Variants in DLC1 observed in about 807,000 individuals in gnomAD.
DLC1 encodes the protein rho GTPase-activating protein 7.
DLC1 carries 54 observed loss-of-function variants against 140.3 expected under a neutral mutation model. That is an observed-to-expected ratio of 0.38 (90% CI 0.31 to 0.48). The LOEUF (loss-of-function observed/expected upper bound fraction) is 0.48, where lower values mean the gene tolerates loss of function less well. Among genes scored for constraint, DLC1 ranks in the 20% least tolerant of loss-of-function variants. The pLI is 0.96. For synonymous variants in DLC1, 986 were observed against 728.1 expected (o/e 1.35, Z -5.70); for missense variants, 2,536 against 1,907.0 (o/e 1.33, Z -6.14).
intron 2 of DLC1, among the ~76,000 whole-genome samples, chr8:13,473,779 A>G (rs1800316449): frequency 6.6e-6 from 1 of 152,154 alleles, no homozygotes; most frequent in African/African-American, 2.4e-5. Flanking sequence ...CCCCTTCGCT[A>G]GAGATTTTTG....
intron 1 of DLC1, among the ~76,000 whole-genome samples, chr8:13,555,328 GT>G (rs542298860): frequency 5.8e-4 from 86 of 148,242 alleles, no homozygotes; most frequent in African/African-American, 1.3e-3. Context: ...TTTCTTGTAT[GT>G]TTTTTTTTTA....
intron 2 of DLC1, among the ~76,000 whole-genome samples, chr8:13,478,414 C>T (rs1253187406): frequency 1.3e-5 from 2 of 152,192 alleles, no homozygotes; most frequent in Non-Finnish European, 2.9e-5. Context: ...GATTACAATT[C>T]GACATGAGAT....
At chr8:13,141,884 C>G (rs1823020863) in intron 5 of DLC1, among the ~76,000 whole-genome samples, 1 of 152,176 alleles carries the variant, frequency 6.6e-6, no homozygotes, top group Non-Finnish European at 1.5e-5. Context: ...AAAAAATAGA[C>G]CTAGCAACAA....
intron 1 of DLC1, among the ~76,000 whole-genome samples, chr8:13,590,940 A>G (rs1436412465): frequency 1.3e-5 from 2 of 152,078 alleles, no homozygotes; most frequent in Non-Finnish European, 2.9e-5. Flanking sequence ...AATATTTTAT[A>G]TTTTTGCTTT....
rs192791626 is a variant in DLC1 at position 13,349,627 on chromosome 8, A to G, written c.1314+43926T>C. ...TCAATTTTCAGTGACTTATCTTTAC[A>G]TAGAAACATATAGCCAGAGCTCACC... On this transcript the variant is annotated intron_variant, in intron 4 of 17. Coordinates refer to ENST00000276297, the MANE Select transcript of DLC1 (RefSeq NM_182643.3). Among the ~76,000 whole-genome samples the G allele has an allele frequency of 3.3e-5, 5 of 152,316 alleles. No individual in the cohort carries two copies. The East Asian group carries it at 7.7e-4, about 23-fold the overall frequency.
rs975315350 is a variant in DLC1 at position 13,114,138 on chromosome 8, G to T, written c.1420+1448C>A. ...GCACTTTGGGAGGCCAAGGTGGGTG[G>T]ATCACCTGAGGTCGGGAGTTCACGA... On this transcript the variant is annotated intron_variant, in intron 6 of 17. Coordinates refer to ENST00000276297, the MANE Select transcript of DLC1 (RefSeq NM_182643.3). Among the ~76,000 whole-genome samples the T allele has an allele frequency of 3.9e-5, 6 of 152,220 alleles. No individual in the cohort carries two copies. In the East Asian group the frequency reaches 1.2e-3, roughly 29 times the overall value.
At chr8:13,437,845 C>G (rs1360879723) in intron 2 of DLC1, among the ~76,000 whole-genome samples, 4 of 152,068 alleles carry the variant, frequency 2.6e-5, no homozygotes, top group African/African-American at 7.3e-5. Context: ...CTTGAGATCT[C>G]TAAAGGCCAT....
At position 13,147,938 on chromosome 8, in the gene DLC1, G is replaced by GATCGC. The variant is rs377502242; in HGVS notation, c.1349-32286_1349-32282dup. On this transcript the variant is annotated intron_variant, in intron 5 of 17. Transcript: ENST00000276297. ...GGGAGGCGGAGGTTGCAGTGGCAGA[G>GATCGC]ATCGCACTACTGCACTCCAGCCTGG... Among the ~76,000 whole-genome samples, 628 of 152,198 alleles carry GATCGC rather than the reference G, an allele frequency of 4.1e-3. 5 individuals are homozygous for GATCGC. The highest frequency in any genetic ancestry group is 0.014 in the African/African-American group (597 of 41,518).
intron 5 of DLC1, among the ~76,000 whole-genome samples, chr8:13,120,356 A>AAAATATAC: frequency 6.5e-5 from 4 of 61,124 alleles, no homozygotes; most frequent in Non-Finnish European, 1.5e-4. Flanking sequence ...AAAAAAAAAA[A>AAAATATAC]ATATATATAT....
At chr8:13,383,654 G>C (rs551751365) in intron 4 of DLC1, among the ~76,000 whole-genome samples, 1 of 152,128 alleles carries the variant, frequency 6.6e-6, no homozygotes, top group Non-Finnish European at 1.5e-5. Context: ...GCTAGTCTGC[G>C]TGATCAGTAC....
At chr8:13,271,242 A>G (rs1455956001) in intron 5 of DLC1, among the ~76,000 whole-genome samples, 1 of 152,214 alleles carries the variant, frequency 6.6e-6, no homozygotes, top group Admixed American at 6.5e-5. Context: ...TTTGTTTACT[A>G]GAGGAGGCTG....
chr8:13,237,183 G>GTA lies in DLC1; in HGVS notation c.1348+68084_1348+68085dup, dbSNP rs775302583. Among the ~76,000 whole-genome samples the GTA allele has an allele frequency of 2.7e-3, 370 of 135,642 alleles. 4 individuals are homozygous for GTA. The highest frequency in any genetic ancestry group is 7.9e-3 in the African/African-American group (288 of 36,476). 89.0% of individuals were successfully genotyped at this position (135,642 alleles called of 152,430 possible). A position where few individuals can be genotyped will look rare whatever the true frequency, so the allele number is the denominator to read the frequency against. The stretch of plus-strand genomic sequence containing the variant: ...CACAATGATCCTGGGGAGGATGTGT[G>GTA]TATATATATATATATGTGTGTGTGT... On this transcript the variant is annotated intron_variant, in intron 5 of 17. Coordinates refer to ENST00000276297, the MANE Select transcript of DLC1 (RefSeq NM_182643.3).
chr8:13,348,115 A>AAACC, intron 4 of DLC1, among the ~76,000 whole-genome samples: 1 of 152,006 alleles, frequency 6.6e-6, no homozygotes, highest in East Asian at 1.9e-4. Flanking sequence ...ACAAATAAAC[A>AAACC]AACAAACTTC....
intron 1 of DLC1, chr8:13,567,282 CT>C: frequency 6.4e-7 from 1 of 1,551,744 alleles, no homozygotes; most frequent in East Asian, 2.4e-5. Context: ...AAGACTCTAA[CT>C]TTGAACGGCA....
At chr8:13,600,495 G>T (rs1239803252) in intron 1 of DLC1, among the ~76,000 whole-genome samples, 1 of 151,756 alleles carries the variant, frequency 6.6e-6, no homozygotes, top group Non-Finnish European at 1.5e-5. Flanking sequence ...CAACGTCAAA[G>T]ACGTTTTGCA....
chr8:13,563,628 G>A (rs989661875), intron 1 of DLC1, among the ~76,000 whole-genome samples: 1 of 152,022 alleles, frequency 6.6e-6, no homozygotes, highest in East Asian at 1.9e-4. Flanking sequence ...TGAAGGATCT[G>A]TCAATTTAAT....
intron 12 of DLC1, among the ~76,000 whole-genome samples, chr8:13,093,753 C>G (rs1172493127): frequency 6.6e-6 from 1 of 152,160 alleles, no homozygotes; most frequent in Non-Finnish European, 1.5e-5. Context: ...TCCAGACCAG[C>G]TCCATTTCTC....
upstream of DLC1, among the ~76,000 whole-genome samples, chr8:13,519,547 G>C (rs1258217921): frequency 6.6e-6 from 1 of 152,074 alleles, no homozygotes; most frequent in Non-Finnish European, 1.5e-5. Flanking sequence ...GATCAATTTT[G>C]TCACAATTTT....
intron 5 of DLC1, among the ~76,000 whole-genome samples, chr8:13,175,773 G>GTATA (rs902479161): frequency 6.6e-6 from 1 of 151,880 alleles, no homozygotes; most frequent in Non-Finnish European, 1.5e-5. Context: ...CTTAATACAT[G>GTATA]TATATATATA....
Sources: allele counts gnomAD v4.1 joint callset (sites outside exome capture counted in the v4.1 genomes callset), GRCh38; gene constraint gnomAD v4.1.1; transcripts MANE v1.5; gene names NCBI Gene and HGNC (gene_info 2026-07-23, HGNC 2026-07-21).